GPR89B: variants seen among roughly 807,000 people sequenced by gnomAD.
The protein encoded by GPR89B is golgi pH regulator B, also known as G protein-coupled receptor 89B.
A neutral mutation model predicts 52.4 loss-of-function variants in GPR89B; 25 were observed. The ratio of observed to expected loss-of-function variants is 0.48; its 90% CI spans 0.35 to 0.67. The LOEUF (loss-of-function observed/expected upper bound fraction) is 0.67. Among genes scored for constraint, GPR89B ranks in the 30% least tolerant of loss-of-function variants. The pLI is 0.01. For missense variants in GPR89B, 146 were observed against 450.2 expected, an observed-to-expected ratio of 0.32 and a Z score of 6.11; for synonymous variants, 52 against 151.2, an observed-to-expected ratio of 0.34 and a Z score of 4.81.
intron 3 of GPR89B, 66 bp from the exon 4 acceptor site, chr1:147,943,372 G>A (rs1553249185): frequency 6.3e-7 from 1 of 1,597,786 alleles, no homozygotes. Context: ...CCCTTTGGAA[G>A]ACTAAAGAGA....
intron 1 of GPR89B, among the ~76,000 whole-genome samples, chr1:147,930,694 G>A (rs4483466): frequency 6.6e-6 from 1 of 152,142 alleles, no homozygotes; most frequent in Non-Finnish European, 1.5e-5. Context: ...GTCACGTATT[G>A]AATCTTGCTC....
the GPR89B span, chr1:148,009,515 C>T: frequency 2.4e-5 from 38 of 1,586,520 alleles, no homozygotes; most frequent in Non-Finnish European, 3.3e-5. Flanking sequence ...CCCGTGTTTT[C>T]ACTGCTTTCT....
At chr1:147,987,009 G>A (rs1263849233) in intron 11 of GPR89B, among the ~76,000 whole-genome samples, 5 of 150,970 alleles carry the variant, frequency 3.3e-5, no homozygotes, top group African/African-American at 9.8e-5. Flanking sequence ...CAACCTAGAC[G>A]CAGACTGCGT....
chr1:147,956,995 T>G (rs2149063201), intron 7 of GPR89B, among the ~76,000 whole-genome samples: 1 of 152,066 alleles, frequency 6.6e-6, no homozygotes, highest in East Asian at 1.9e-4. Context: ...CACCTTGGCC[T>G]CCCAAAGTGC....
chr1:148,012,877 C>G, the GPR89B span, among the ~76,000 whole-genome samples: 1 of 151,872 alleles, frequency 6.6e-6, no homozygotes, highest in African/African-American at 2.4e-5. Context: ...CTACATCTGC[C>G]AAGATATATG....
rs1178536106 is a variant in GPR89B, at chr1:147,956,686, T to C, written c.617+2284T>C. ...CAAATAAATGGAAAGATATCCCATGTTCATGGACTGGTGTATAATTTTTGT... is the reference window on the plus strand; with the variant it reads ...CAAATAAATGGAAAGATATCCCATGCTCATGGACTGGTGTATAATTTTTGT... On this transcript the variant is annotated intron_variant, in intron 7 of 13. Coordinates refer to ENST00000314163, the MANE Select transcript of GPR89B (RefSeq NM_016334.5). 1.0e-3 allele frequency among the ~76,000 whole-genome samples: 151 copies of C among 151,176 alleles called. 1 individual carries two copies. The highest frequency in any genetic ancestry group is 2.7e-3 in the African/African-American group (111 of 40,912).
At chr1:147,984,536 T>G (rs1377895969) in intron 10 of GPR89B, among the ~76,000 whole-genome samples, 3 of 150,168 alleles carry the variant, frequency 2.0e-5, no homozygotes, top group Non-Finnish European at 4.4e-5. Flanking sequence ...TTCATTGATT[T>G]CTGCTCTGGT....
chr1:147,933,056 T>C (rs587717131), intron 1 of GPR89B, among the ~76,000 whole-genome samples: 1 of 152,330 alleles, frequency 6.6e-6, no homozygotes, highest in Admixed American at 6.5e-5. Context: ...TGGAGTATAG[T>C]AAATGCTCAA....
downstream of GPR89B, chr1:147,994,248 A>G (rs1451242579): frequency 6.9e-5 from 111 of 1,601,780 alleles, 4 homozygotes; most frequent in East Asian, 2.0e-3. Context: ...GATTCCTATT[A>G]AATACCCAGA....
intron 1 of GPR89B, 149 bp from the exon 2 acceptor site, chr1:147,936,478 A>C: frequency 1.5e-6 from 1 of 652,486 alleles, no homozygotes; most frequent in Non-Finnish European, 2.7e-6. Flanking sequence ...ATGAGCTTTA[A>C]TAAGTAGGTC....
chr1:147,949,128 A>G (rs1202062137), intron 5 of GPR89B, among the ~76,000 whole-genome samples: 1 of 152,172 alleles, frequency 6.6e-6, no homozygotes, highest in Non-Finnish European at 1.5e-5. Flanking sequence ...TTCTTAGTAC[A>G]GAACAAAATG....
chr1:147,939,779 C>T (rs1366691939), intron 3 of GPR89B, among the ~76,000 whole-genome samples: 15 of 152,028 alleles, frequency 9.9e-5, no homozygotes, highest in African/African-American at 3.6e-4. Context: ...AGGAGGATCA[C>T]TTAAGTGCAG....
chr1:147,971,200 A>G (rs1470385521), intron 10 of GPR89B, among the ~76,000 whole-genome samples: 2 of 151,092 alleles, frequency 1.3e-5, no homozygotes, highest in Non-Finnish European at 2.9e-5. Flanking sequence ...CCCAAGCTGT[A>G]GTGCAGTGGT....
intron 8 of GPR89B, chr1:147,967,946 A>G: frequency 3.6e-6 from 1 of 280,304 alleles, no homozygotes; most frequent in Non-Finnish European, 7.0e-6. Flanking sequence ...CCATGCCAGT[A>G]GTAGCCACTA....
intron 1 of GPR89B, 104 bp downstream of exon 1, chr1:147,928,682 T>C (rs1653238422): frequency 6.7e-7 from 1 of 1,496,230 alleles, no homozygotes; most frequent in African/African-American, 1.4e-5. Flanking sequence ...GCTCCTCTCT[T>C]ACGCGGCCTG....
intron 1 of GPR89B, among the ~76,000 whole-genome samples, chr1:147,931,928 T>A (rs1384997939): frequency 6.6e-6 from 1 of 152,180 alleles, no homozygotes; most frequent in African/African-American, 2.4e-5. Context: ...GTTCTGAAAG[T>A]CTTTTTAAGC....
intron 5 of GPR89B, among the ~76,000 whole-genome samples, chr1:147,952,327 G>C (rs587675117): frequency 6.6e-6 from 1 of 151,954 alleles, no homozygotes; most frequent in South Asian, 2.1e-4. Flanking sequence ...TAGCGCTTCA[G>C]AAGGAAGATA....
the GPR89B span, among the ~76,000 whole-genome samples, chr1:148,005,720 A>G: frequency 0.038 from 5,775 of 150,564 alleles, 166 homozygotes; most frequent in African/African-American, 0.064. Context: ...TGGCTATTGC[A>G]GAGGGCTGCC....
intron 10 of GPR89B, among the ~76,000 whole-genome samples, chr1:147,980,818 C>CAAAAAAAAA (rs1176400328): frequency 4.4e-5 from 1 of 22,570 alleles, no homozygotes; most frequent in East Asian, 1.4e-3. Context: ...GACTCCGTCT[C>CAAAAAAAAA]AAAAAAAAAA....
Sources: gnomAD v4.1 joint callset for allele counts (sites outside exome capture counted in the v4.1 genomes callset) on GRCh38, gnomAD v4.1.1 for gene constraint, MANE v1.5 for transcripts, NCBI Gene and HGNC (gene_info 2026-07-23, HGNC 2026-07-21) for gene names.